WWOX: variants seen among roughly 807,000 people sequenced by gnomAD.
The protein encoded by WWOX is WW domain containing oxidoreductase, also known as WW domain-containing oxidoreductase.
Under a neutral mutation model 46.2 loss-of-function variants are expected in WWOX, and 69 were observed. The observed-to-expected ratio is 1.49, with a 90% CI of 1.23 to 1.82. WWOX has a LOEUF of 1.82. Among genes scored for constraint, WWOX ranks in the 40% most tolerant of loss-of-function variants. The probability of loss-of-function intolerance (pLI) is 0.00; values close to 1 mark genes in which losing one functional copy is unlikely to be tolerated. For missense variants in WWOX, 919 were observed against 542.6 expected (o/e 1.69, Z -6.89); for synonymous variants, 359 against 202.6 (o/e 1.77, Z -6.56).
intron 8 of WWOX, among the ~76,000 whole-genome samples, chr16:79,078,959 G>T (rs1433685261): frequency 6.6e-6 from 1 of 152,128 alleles, no homozygotes; most frequent in East Asian, 1.9e-4. Context: ...TGGCCCTGAA[G>T]TTATTTTTCC....
intron 5 of WWOX, among the ~76,000 whole-genome samples, chr16:78,289,014 A>G (rs1176707419): frequency 6.6e-6 from 1 of 152,176 alleles, no homozygotes; most frequent in East Asian, 1.9e-4. Flanking sequence ...CTTTTCTCAC[A>G]AATTCTCGGT....
intron 5 of WWOX, among the ~76,000 whole-genome samples, chr16:78,339,723 G>C (rs980990982): frequency 8.5e-6 from 1 of 117,736 alleles, no homozygotes; most frequent in African/African-American, 2.9e-5. Context: ...AATCAATTTT[G>C]CTTCAGAGTT....
At chr16:78,402,831 G>A (rs1424595171) in intron 6 of WWOX, among the ~76,000 whole-genome samples, 2 of 152,086 alleles carry the variant, frequency 1.3e-5, no homozygotes, top group African/African-American at 4.8e-5. Context: ...GGCTCCCATT[G>A]GCCCTGGGGT....
chr16:78,759,267 G>A (rs2049732606), intron 8 of WWOX, among the ~76,000 whole-genome samples: 2 of 152,196 alleles, frequency 1.3e-5, no homozygotes, highest in South Asian at 4.1e-4. Context: ...AGGTGGGCAT[G>A]GCAGGGAAAT....
chr16:78,310,791 C>G (rs551576873), intron 5 of WWOX, among the ~76,000 whole-genome samples: 2 of 152,332 alleles, frequency 1.3e-5, no homozygotes, highest in South Asian at 4.2e-4. Flanking sequence ...CCATTTTCAT[C>G]TCTTTTCAAT....
At chr16:78,153,562 G>C (rs2034492816) in intron 4 of WWOX, among the ~76,000 whole-genome samples, 2 of 152,154 alleles carry the variant, frequency 1.3e-5, no homozygotes, top group Middle Eastern at 3.4e-3. Context: ...TCTACAACTT[G>C]TTGATTGGTT....
At chr16:78,570,149 C>T (rs1297674721) in intron 8 of WWOX, among the ~76,000 whole-genome samples, 1 of 151,618 alleles carries the variant, frequency 6.6e-6, no homozygotes, top group African/African-American at 2.4e-5. Flanking sequence ...GCCTTGTTTG[C>T]CTTTTTTAGA....
chr16:79,021,966 C>G (rs761795390), intron 8 of WWOX, among the ~76,000 whole-genome samples: 1 of 152,216 alleles, frequency 6.6e-6, no homozygotes, highest in Admixed American at 6.5e-5. Flanking sequence ...ATGTGACGTT[C>G]TCTCTGCAGG....
At position 78,805,773 on chromosome 16, in the gene WWOX, T is replaced by G. The variant is rs551830178; in HGVS notation, c.1056+373021T>G. ...TTATACGGCTATATCTCCATAGATA[T>G]CCAGTTTTTGTTTTGTTTTTGTTTC... On this transcript the variant is annotated intron_variant, in intron 8 of 8. Coordinates refer to ENST00000566780, the MANE Select transcript of WWOX (RefSeq NM_016373.4). Among the ~76,000 whole-genome samples, 53 of 152,318 alleles carry G rather than the reference T, an allele frequency of 3.5e-4. No homozygotes were observed. The South Asian group carries it at 9.5e-3, about 27-fold the overall frequency.
At chr16:79,051,120 T>G (rs1247053342) in intron 8 of WWOX, among the ~76,000 whole-genome samples, 2 of 152,168 alleles carry the variant, frequency 1.3e-5, no homozygotes, top group Non-Finnish European at 2.9e-5. Flanking sequence ...GCAGCCCTAC[T>G]CCTCGGGTTG....
chr16:78,271,357 C>T (rs145677258), intron 5 of WWOX, among the ~76,000 whole-genome samples: 3 of 152,280 alleles, frequency 2.0e-5, no homozygotes, highest in South Asian at 2.1e-4. Context: ...TCCGTCACCT[C>T]GTGCTTTGAA....
Position 78,369,898 on chromosome 16 carries a change from C to T in WWOX, c.517-16962C>T, listed in dbSNP as rs12923475. Among the ~76,000 whole-genome samples, 581 of 151,872 alleles carry T rather than the reference C, an allele frequency of 3.8e-3. 2 individuals are homozygous for T. The highest frequency in any genetic ancestry group is 0.013 in the African/African-American group (555 of 41,454). ...CTGTAATCCCAGCACTTTGGGAGGC[C>T]GAGGCGGGAGGATCACATAAGGCCA... is the stretch of plus-strand genomic sequence containing the variant. On this transcript the variant is annotated intron_variant, in intron 5 of 8. Coordinates refer to ENST00000566780, the MANE Select transcript of WWOX (RefSeq NM_016373.4).
In WWOX at chr16:78,731,839, C is replaced by CTTTTT. The variant is rs1358966064; in HGVS notation, c.1056+299090_1056+299091insTTTTT. ...GCACTCCCCAATGCCAATTTTTTTT[C>CTTTTT]TTTCTCTTTTTTTTTTTTTTTTTTG... On this transcript the variant is annotated intron_variant, in intron 8 of 8. Coordinates refer to ENST00000566780, the MANE Select transcript of WWOX (RefSeq NM_016373.4). 1.3e-4 allele frequency among the ~76,000 whole-genome samples: 15 copies of CTTTTT among 111,502 alleles called. 1 individual carries two copies. Among genetic ancestry groups the CTTTTT allele is most frequent in the South Asian group, 2.6e-4 (1 of 3,862 alleles). The allele number at this position is 111,502 out of a possible 152,430, so 73.1% of individuals were successfully genotyped here.
At chr16:78,749,763 C>A (rs149247944) in intron 8 of WWOX, among the ~76,000 whole-genome samples, 2 of 152,322 alleles carry the variant, frequency 1.3e-5, no homozygotes, top group African/African-American at 4.8e-5. Flanking sequence ...ATGTTCAAAT[C>A]TCGAGTTACC....
chr16:78,126,781 G>A (rs1400854556), intron 4 of WWOX, among the ~76,000 whole-genome samples: 1 of 152,136 alleles, frequency 6.6e-6, no homozygotes, highest in Non-Finnish European at 1.5e-5. Context: ...CGCATTTAAG[G>A]AGGGAATACC....
chr16:78,966,458 C>T (rs2046364496), intron 8 of WWOX, among the ~76,000 whole-genome samples: 1 of 152,070 alleles, frequency 6.6e-6, no homozygotes, highest in Non-Finnish European at 1.5e-5. Context: ...ATAGGCTTTT[C>T]ATGTACATCG....
chr16:79,133,156 T>A (rs1462781059), intron 8 of WWOX, among the ~76,000 whole-genome samples: 1 of 152,232 alleles, frequency 6.6e-6, no homozygotes, highest in African/African-American at 2.4e-5. Flanking sequence ...CGAGTTTATT[T>A]TCTTTTTAAC....
intron 5 of WWOX, among the ~76,000 whole-genome samples, chr16:78,228,298 T>TCAG (rs2037135267): frequency 6.6e-6 from 1 of 150,688 alleles, no homozygotes. Flanking sequence ...ATTTTTCTCC[T>TCAG]CAGTAGACAT....
intron 8 of WWOX, among the ~76,000 whole-genome samples, chr16:79,091,049 A>T (rs969233881): frequency 1.3e-5 from 2 of 152,014 alleles, no homozygotes; most frequent in Non-Finnish European, 1.5e-5. Flanking sequence ...CGGCCTCCCA[A>T]AGTACTGGGA....
Sources: gnomAD v4.1 joint callset for allele counts (sites outside exome capture counted in the v4.1 genomes callset) on GRCh38, gnomAD v4.1.1 for gene constraint, MANE v1.5 for transcripts, NCBI Gene and HGNC (gene_info 2026-07-23, HGNC 2026-07-21) for gene names.